The following TRIM55 variants were observed in gnomAD, a reference collection of about 807,000 sequenced individuals.
The protein encoded by TRIM55 is tripartite motif-containing protein 55.
TRIM55 carries 50 observed loss-of-function variants against 60.9 expected under a neutral mutation model. The ratio of observed to expected loss-of-function variants is 0.82; its 90% CI spans 0.65 to 1.04. The LOEUF is 1.04. TRIM55 is among the 50% of genes least tolerant of loss of function. The pLI, the probability that TRIM55 is intolerant of heterozygous loss-of-function variation, is 0.00. For missense variants in TRIM55, 681 were observed against 666.9 expected, an observed-to-expected ratio of 1.02 and a Z score of -0.23; for synonymous variants, 237 against 238.1, an observed-to-expected ratio of 1.00 and a Z score of 0.04.
Position 66,175,064 on chromosome 8 carries a change from A to G in TRIM55, c.*471A>G, listed in dbSNP as rs1199398577. ...CTGATTTATCAATACATGGACAAAAAGTAAATCATTGACCAAAGCTATGAA... is the reference window on the plus strand; with the variant it reads ...CTGATTTATCAATACATGGACAAAAGGTAAATCATTGACCAAAGCTATGAA... On this transcript the variant is annotated 3_prime_UTR_variant, in exon 10 of 10. Coordinates refer to ENST00000315962, the MANE Select transcript of TRIM55 (RefSeq NM_184085.2). The G allele has an allele frequency of 6.5e-6, 1 of 152,724 alleles. No individual in the cohort carries two copies. The highest frequency in any genetic ancestry group is 1.5e-5 in the Non-Finnish European group (1 of 68,078). The allele number at this position is 152,724 out of a possible 1,614,324, so 9.5% of individuals were successfully genotyped here. A position where few individuals can be genotyped will look rare whatever the true frequency, so the allele number is the denominator to read the frequency against.
the TRIM55 span, among the ~76,000 whole-genome samples, chr8:66,114,208 T>G: frequency 6.6e-6 from 1 of 151,108 alleles, no homozygotes; most frequent in South Asian, 2.1e-4. Flanking sequence ...GCTCAAATGG[T>G]AGAGCGCTCG....
At chr8:66,118,306 A>G in the TRIM55 span, among the ~76,000 whole-genome samples, 8 of 151,996 alleles carry the variant, frequency 5.3e-5, no homozygotes, top group African/African-American at 1.7e-4. Context: ...GTGATTATCA[A>G]ATGAACAAAA....
chr8:66,133,875 C>T (rs1279941408), intron 2 of TRIM55, among the ~76,000 whole-genome samples: 2 of 152,044 alleles, frequency 1.3e-5, no homozygotes, highest in Non-Finnish European at 2.9e-5. Flanking sequence ...TACATTGTGA[C>T]CACTTACATA....
chr8:66,167,077 A>G (rs761221854), intron 9 of TRIM55, among the ~76,000 whole-genome samples: 58 of 152,278 alleles, frequency 3.8e-4, no homozygotes, highest in Middle Eastern at 3.4e-3. Flanking sequence ...GTCTGCCTTC[A>G]GTGGAGAGGC....
intron 9 of TRIM55, among the ~76,000 whole-genome samples, chr8:66,155,169 G>C (rs1810669253): frequency 6.6e-6 from 1 of 152,192 alleles, no homozygotes; most frequent in African/African-American, 2.4e-5. Flanking sequence ...CCATGCTCCT[G>C]GGTCATCAGG....
intron 9 of TRIM55, chr8:66,155,858 C>A: frequency 3.2e-6 from 2 of 629,712 alleles, no homozygotes; most frequent in Non-Finnish European, 5.5e-6. Context: ...ATACTGGAGG[C>A]CTCAAGCTCA....
At chr8:66,120,225 C>G in the TRIM55 span, among the ~76,000 whole-genome samples, 6 of 152,048 alleles carry the variant, frequency 3.9e-5, no homozygotes, top group Non-Finnish European at 8.8e-5. Flanking sequence ...TTTTAGCATC[C>G]CTTTCCTCTC....
At chr8:66,162,498 C>T (rs1418479958) in intron 9 of TRIM55, among the ~76,000 whole-genome samples, 2 of 150,202 alleles carry the variant, frequency 1.3e-5, no homozygotes, top group Non-Finnish European at 3.0e-5. Context: ...GTAATGTCCT[C>T]CCCTGGTTTT....
intron 9 of TRIM55, among the ~76,000 whole-genome samples, chr8:66,164,490 C>G (rs1484146893): frequency 2.6e-5 from 4 of 152,232 alleles, no homozygotes; most frequent in Non-Finnish European, 5.9e-5. Flanking sequence ...CAGAGGCCAC[C>G]TGTCATGGAC....
chr8:66,114,133 C>A, the TRIM55 span, among the ~76,000 whole-genome samples: 1 of 137,112 alleles, frequency 7.3e-6, no homozygotes, highest in East Asian at 2.6e-4. Flanking sequence ...CTGTCTTCAG[C>A]GCTCAATGTT....
chr8:66,158,854 C>T (rs186286315), intron 9 of TRIM55, among the ~76,000 whole-genome samples: 4 of 152,326 alleles, frequency 2.6e-5, no homozygotes, highest in Admixed American at 2.0e-4. Context: ...GTTTACACAG[C>T]TGCTATTACC....
At chr8:66,134,839 A>G (rs1186534733) in intron 2 of TRIM55, 151 bp from the exon 3 acceptor site, 2 of 747,862 alleles carry the variant, frequency 2.7e-6, no homozygotes, top group Non-Finnish European at 4.2e-6. Context: ...GGCTCTGAGC[A>G]TGTGAAAGGG....
chr8:66,156,108 T>A (rs1281533288), intron 9 of TRIM55, among the ~76,000 whole-genome samples: 2 of 152,108 alleles, frequency 1.3e-5, no homozygotes, highest in African/African-American at 2.4e-5. Flanking sequence ...AAATGCAGGT[T>A]TCCATAGATT....
At chr8:66,134,275 T>C (rs1251573560) in intron 2 of TRIM55, among the ~76,000 whole-genome samples, 2 of 152,242 alleles carry the variant, frequency 1.3e-5, no homozygotes, top group Non-Finnish European at 2.9e-5. Flanking sequence ...CTGAAAACTA[T>C]TAGCAGCCTC....
chr8:66,116,741 A>G, the TRIM55 span, among the ~76,000 whole-genome samples: 2 of 79,062 alleles, frequency 2.5e-5, no homozygotes, highest in Admixed American at 1.4e-4. Flanking sequence ...ATTAAGGTAG[A>G]AAAAAAATAC....
At chr8:66,164,667 G>C (rs985581689) in intron 9 of TRIM55, among the ~76,000 whole-genome samples, 2 of 152,238 alleles carry the variant, frequency 1.3e-5, no homozygotes, top group Middle Eastern at 3.4e-3. Context: ...GAACAAAGTG[G>C]GTTCCTCACA....
chr8:66,117,625 T>C, the TRIM55 span, among the ~76,000 whole-genome samples: 1 of 151,874 alleles, frequency 6.6e-6, no homozygotes, highest in Non-Finnish European at 1.5e-5. Context: ...TGACCATTAA[T>C]AGGTTTTAAA....
upstream of TRIM55, among the ~76,000 whole-genome samples, chr8:66,124,872 G>A (rs554402131): frequency 1.2e-4 from 19 of 152,258 alleles, no homozygotes; most frequent in African/African-American, 4.6e-4. Flanking sequence ...GGCATGGTAC[G>A]AAGGACAGAA....
In TRIM55 at chr8:66,128,365, G is replaced by A. The variant is rs531408822; in HGVS notation, c.230G>A (p.Arg77His). The change falls in exon 2 of 10, where the codon CGC becomes CAC. Residue 77 changes from arginine (R) to histidine (H), a missense_variant. Physicochemically the swap from Arg to His is conservative, Grantham distance 29. Transcript: ENST00000315962. ...GTTMASGGRFRCPSCRHEVVL... is the reference protein window; with the variant it reads ...GTTMASGGRFHCPSCRHEVVL... The stretch of plus-strand genomic sequence containing the variant: ...ACCATGGCATCAGGGGGCCGATTCC[G>A]CTGCCCATCCTGTAGACATGAAGTG... The A allele has an allele frequency of 9.9e-5, 159 of 1,613,316 alleles. 1 individual carries two copies. In the South Asian group the frequency reaches 1.1e-3, roughly 11 times the overall value.
Sources: allele counts gnomAD v4.1 joint callset (sites outside exome capture counted in the v4.1 genomes callset), GRCh38; gene constraint gnomAD v4.1.1; transcripts MANE v1.5; gene names NCBI Gene and HGNC (gene_info 2026-07-23, HGNC 2026-07-21).